TBX20: variants seen among roughly 807,000 people sequenced by gnomAD.
The protein encoded by TBX20 is T-box transcription factor TBX20.
TBX20 carries 8 observed loss-of-function variants against 42.9 expected under a neutral mutation model. The ratio of observed to expected loss-of-function variants is 0.19; its 90% CI spans 0.11 to 0.34. TBX20 has a LOEUF of 0.34. Ranked by LOEUF, TBX20 falls within the 10% of genes least tolerant of loss-of-function variation. The pLI, the probability that TBX20 is intolerant of heterozygous loss-of-function variation, is 1.00. For synonymous variants in TBX20, 198 were observed against 222.8 expected (o/e 0.89, Z 0.99); for missense variants, 411 against 566.0 (o/e 0.73, Z 2.78).
At chr7:35,247,304 TAGAAG>T (rs1488355871) in intron 3 of TBX20, among the ~76,000 whole-genome samples, 1 of 151,680 alleles carries the variant, frequency 6.6e-6, no homozygotes, top group Non-Finnish European at 1.5e-5. Context: ...TAACAGTAAA[TAGAAG>T]AGAACACTAA....
At position 35,249,402 on chromosome 7, in the gene TBX20, G is replaced by A. The variant is rs1790260813; in HGVS notation, c.380+549C>T. On this transcript the variant is annotated intron_variant, in intron 2 of 7. Coordinates refer to ENST00000408931, the MANE Select transcript of TBX20 (RefSeq NM_001077653.2). This position sits in a 1 kb window ranked among gnomAD's most constrained non-coding sequence, Gnocchi z 4.3. ...CCTGCAGCCCTGCAGCTTCCTGCCTGGCCAAAGCCCGCCCGGCTCTGGCGC... is the reference window on the plus strand; with the variant it reads ...CCTGCAGCCCTGCAGCTTCCTGCCTAGCCAAAGCCCGCCCGGCTCTGGCGC... Among the ~76,000 whole-genome samples, 1 of 152,244 alleles carries A rather than the reference G, an allele frequency of 6.6e-6. No individual in the cohort carries two copies. The highest frequency in any genetic ancestry group is 1.5e-5 in the Non-Finnish European group (1 of 68,042).
intron 3 of TBX20, among the ~76,000 whole-genome samples, chr7:35,246,209 T>G (rs6959445): frequency 6.6e-6 from 1 of 151,934 alleles, no homozygotes; most frequent in Admixed American, 6.6e-5. Context: ...ACAAAAAAGG[T>G]TGACAGCACC....
chr7:35,204,403 A>G (rs1789361644), intron 7 of TBX20, 67 bp downstream of exon 7: 2 of 1,056,412 alleles, frequency 1.9e-6, no homozygotes, highest in African/African-American at 3.1e-5. Context: ...CTCATCAACG[A>G]CCTGCCCCCA....
intron 5 of TBX20, 141 bp downstream of exon 5, chr7:35,240,738 T>C (rs1157846581): frequency 2.1e-5 from 16 of 751,174 alleles, no homozygotes; most frequent in Non-Finnish European, 3.4e-5. Flanking sequence ...ACTCTTAGAG[T>C]TCCTAGCCCT....
intron 3 of TBX20, among the ~76,000 whole-genome samples, chr7:35,248,265 G>A (rs1397445163): frequency 6.6e-6 from 1 of 152,044 alleles, no homozygotes; most frequent in African/African-American, 2.4e-5. Flanking sequence ...TGTAAGCAAC[G>A]ATTTTACTAA....
intron 5 of TBX20, among the ~76,000 whole-genome samples, chr7:35,240,378 A>G (rs1790051679): frequency 6.6e-6 from 1 of 152,222 alleles, no homozygotes; most frequent in African/African-American, 2.4e-5. Flanking sequence ...GTTACATACT[A>G]TGGTTTACTA....
In TBX20 at chr7:35,202,465, G is replaced by C; in HGVS notation, c.1309C>G (p.Arg437Gly). 6.2e-7 allele frequency: 1 copy of C among 1,605,452 alleles called. No individual in the cohort carries two copies. Among genetic ancestry groups the C allele is most frequent in the Non-Finnish European group, 8.5e-7 (1 of 1,175,932 alleles). Residue 437 changes from arginine (R) to glycine (G), a missense_variant, in exon 8 of 8, where the codon CGC becomes GGC. Transcript: ENST00000408931. ...QGPYAAIQGLRHSSAVMTPFV is the reference protein window; with the variant it reads ...QGPYAAIQGLGHSSAVMTPFV ...GGCGTCATCACAGCAGAGGAATGGC[G>C]TAGTCCTTGAATGGCAGCATAGGGC... is the stretch of plus-strand genomic sequence containing the variant.
chr7:35,221,157 A>C (rs1789675325), intron 6 of TBX20, among the ~76,000 whole-genome samples: 1 of 151,704 alleles, frequency 6.6e-6, no homozygotes, highest in Admixed American at 6.6e-5. Context: ...TTTCTAAAAA[A>C]TGATAAGAAA....
rs1183911359 is a variant in TBX20 at position 35,218,640 on chromosome 7, T to C, written c.890+12864A>G. Among the ~76,000 whole-genome samples, 10 of 152,306 alleles carry C rather than the reference T, an allele frequency of 6.6e-5. No individual in the cohort carries two copies. In the East Asian group the frequency reaches 1.5e-3, roughly 23 times the overall value. On this transcript the variant is annotated intron_variant, in intron 6 of 7. Transcript: ENST00000408931. ...ATACTAATAATTAAAGTTATTTCCA[T>C]TTTTACAGGATTATAATATTATAAT...
chr7:35,236,913 T>C (rs1220426559), intron 5 of TBX20, among the ~76,000 whole-genome samples: 1 of 120,446 alleles, frequency 8.3e-6, no homozygotes, highest in Non-Finnish European at 1.7e-5. Flanking sequence ...TTTGATCCCA[T>C]TTATGATATT....
intron 6 of TBX20, among the ~76,000 whole-genome samples, chr7:35,216,520 T>C (rs1325800158): frequency 2.6e-5 from 4 of 152,290 alleles, no homozygotes; most frequent in Admixed American, 2.6e-4. Context: ...AGAGCTTAAT[T>C]GGTACCTGAC....
At chr7:35,206,622 A>G (rs1379760975) in intron 6 of TBX20, among the ~76,000 whole-genome samples, 1 of 152,352 alleles carries the variant, frequency 6.6e-6, no homozygotes, top group African/African-American at 2.4e-5. Context: ...CACCACTGCC[A>G]CAAGCACAAT....
At chr7:35,225,669 A>C (rs961400489) in intron 6 of TBX20, among the ~76,000 whole-genome samples, 3 of 152,202 alleles carry the variant, frequency 2.0e-5, no homozygotes, top group African/African-American at 7.2e-5. Flanking sequence ...GAGAATAGGA[A>C]TATGTGTCTT....
chr7:35,238,715 T>C (rs1259803460), intron 5 of TBX20, among the ~76,000 whole-genome samples: 1 of 152,234 alleles, frequency 6.6e-6, no homozygotes, highest in Non-Finnish European at 1.5e-5. Flanking sequence ...GCTTTAGGCC[T>C]TTGTAGGCTT....
rs144597480 is a variant in TBX20 at position 35,248,808 on chromosome 7, C to T, written c.414G>A (p.Ser138=). ...RMFPTIRVSF[S]GVDPEAKYIV... is the part of the protein sequence containing the mutation. ...TGTACTTGGCCTCAGGATCCACCCC[C>T]GAAAAGGACACCCGGATGGTTGGAA... Residue 138 remains serine (S), a synonymous_variant, in exon 3 of 8, where the codon TCG becomes TCA. Transcript: ENST00000408931. 3.3e-4 allele frequency: 538 copies of T among 1,614,024 alleles called. No homozygotes were observed. The highest frequency in any genetic ancestry group is 4.3e-4 in the Non-Finnish European group (503 of 1,180,020).
At chr7:35,237,993 G>GT (rs1156775666) in intron 5 of TBX20, among the ~76,000 whole-genome samples, 1 of 152,116 alleles carries the variant, frequency 6.6e-6, no homozygotes, top group East Asian at 1.9e-4. Flanking sequence ...CAGCTTAGGG[G>GT]TTAAGGGCAC....
rs1554287409 is a variant in TBX20, at chr7:35,245,349, T to TGTGTGTGG, written c.546-293_546-292insCCACACAC. Among the ~76,000 whole-genome samples, 1,554 of 151,452 alleles carry TGTGTGTGG rather than the reference T, an allele frequency of 0.01. 30 individuals carry two copies. Among genetic ancestry groups the TGTGTGTGG allele is most frequent in the African/African-American group, 0.036 (1,471 of 41,232 alleles). On this transcript the variant is annotated intron_variant, in intron 3 of 7. Transcript: ENST00000408931. The stretch of plus-strand genomic sequence containing the variant: ...GTGTGTGTGTGTGTGTGTGTGTGTG[T>TGTGTGTGG]TTTCATCTATCTAGTCAACTACTGG...
chr7:35,230,306 C>T (rs1241543214), intron 6 of TBX20, among the ~76,000 whole-genome samples: 2 of 152,196 alleles, frequency 1.3e-5, no homozygotes, highest in Admixed American at 1.3e-4. Context: ...TTTGAGTTAC[C>T]ACTTGCCTTC....
chr7:35,231,477 A>G (rs756609229), intron 6 of TBX20, 27 bp downstream of exon 6: 1 of 1,562,552 alleles, frequency 6.4e-7, no homozygotes, highest in South Asian at 1.1e-5. Flanking sequence ...TATCTGAACA[A>G]GAAAGTAAAC....
Sources: allele counts gnomAD v4.1 joint callset (sites outside exome capture counted in the v4.1 genomes callset), GRCh38; gene constraint gnomAD v4.1.1; non-coding constraint Gnocchi (gnomAD v3.1); transcripts MANE v1.5; gene names NCBI Gene and HGNC (gene_info 2026-07-23, HGNC 2026-07-21).